The following FANCC variants were observed in gnomAD, a reference collection of about 807,000 sequenced individuals.
FANCC encodes the protein FA complementation group C, also known as Fanconi anemia group C protein.
FANCC carries 55 observed loss-of-function variants against 71.3 expected under a neutral mutation model. The observed-to-expected ratio is 0.77, with a 90% confidence interval of 0.62 to 0.97. The LOEUF (loss-of-function observed/expected upper bound fraction) is 0.97, where lower values mean the gene tolerates loss of function less well. Among genes scored for constraint, FANCC ranks in the 50% least tolerant of loss-of-function variants. The pLI is 0.00. For synonymous variants in FANCC, 275 were observed against 244.9 expected (o/e 1.12, Z -1.15); for missense variants, 678 against 670.9 (o/e 1.01, Z -0.12).
At chr9:95,215,776 A>G (rs1828827837) in intron 4 of FANCC, among the ~76,000 whole-genome samples, 1 of 152,270 alleles carries the variant, frequency 6.6e-6, no homozygotes, top group Non-Finnish European at 1.5e-5. Flanking sequence ...GACAGTCGGT[A>G]TCAACTAACG....
rs1834245300 is a variant in FANCC at position 95,294,334 on chromosome 9, G to C, written c.-79+23192C>G. On this transcript the variant is annotated intron_variant, in intron 1 of 14. Coordinates refer to ENST00000289081, the MANE Select transcript of FANCC (RefSeq NM_000136.3). ...CACCATGAACACTGAGCCAGTCTTG[G>C]AGTCACTGGACACAGAGACTCAAAC... 4.4e-6 allele frequency: 7 copies of C among 1,588,642 alleles called. No individual in the cohort carries two copies. The South Asian group carries it at 5.5e-5, about 13-fold the overall frequency.
intron 1 of FANCC, chr9:95,293,749 C>T (rs1834201936): frequency 6.2e-7 from 1 of 1,613,788 alleles, no homozygotes; most frequent in South Asian, 1.1e-5. Flanking sequence ...AAGGTAACTT[C>T]ATCTATAGCT....
intron 1 of FANCC, among the ~76,000 whole-genome samples, chr9:95,309,138 A>G (rs982498477): frequency 1.3e-5 from 2 of 152,226 alleles, no homozygotes; most frequent in African/African-American, 4.8e-5. Context: ...GCATAGTTTC[A>G]AAAAGTCACC....
At chr9:95,146,667 C>T (rs534010610) in intron 7 of FANCC, among the ~76,000 whole-genome samples, 176 of 152,084 alleles carry the variant, frequency 1.2e-3, no homozygotes, top group African/African-American at 4.0e-3. Context: ...TTATCTGAGA[C>T]GGAGAGGGCT....
chr9:95,168,285 C>G (rs1295856096), intron 6 of FANCC, among the ~76,000 whole-genome samples: 1 of 152,182 alleles, frequency 6.6e-6, no homozygotes, highest in African/African-American at 2.4e-5. Flanking sequence ...TCCCAAAGAA[C>G]AGGTCATGAG....
chr9:95,247,343 ACTAGG>A, intron 3 of FANCC, 84 bp downstream of exon 3: 10 of 960,656 alleles, frequency 1.0e-5, no homozygotes, highest in African/African-American at 4.9e-5. Context: ...AAAAAAAAAA[ACTAGG>A]AGAAAGGTTC....
chr9:95,150,898 T>C (rs146014901), intron 6 of FANCC, among the ~76,000 whole-genome samples: 50 of 152,340 alleles, frequency 3.3e-4, no homozygotes, highest in Middle Eastern at 3.4e-3. Context: ...AGGTCTTCTC[T>C]GATCATCCCA....
intron 4 of FANCC, among the ~76,000 whole-genome samples, chr9:95,223,006 G>T (rs896706989): frequency 3.3e-5 from 5 of 152,022 alleles, no homozygotes; most frequent in African/African-American, 1.2e-4. Flanking sequence ...CATTTTTTCT[G>T]ATTATAAAAA....
chr9:95,229,351 C>T (rs931526396), intron 4 of FANCC, among the ~76,000 whole-genome samples: 4 of 147,980 alleles, frequency 2.7e-5, no homozygotes, highest in Admixed American at 2.0e-4. Flanking sequence ...AGAGCACACA[C>T]AAAGATACTG....
intron 7 of FANCC, 118 bp from the exon 8 acceptor site, chr9:95,135,620 A>G: frequency 1.3e-6 from 1 of 794,032 alleles, no homozygotes; most frequent in African/African-American, 1.7e-5. Flanking sequence ...TCATGGTCAC[A>G]GCAGTGGCTA....
At chr9:95,317,011 A>C (rs1283632319) in intron 1 of FANCC, 1 of 152,132 alleles carries the variant, frequency 6.6e-6, no homozygotes, top group Non-Finnish European at 1.5e-5. Context: ...GCCCCGGCGA[A>C]TGGGGTTTGG....
In FANCC at chr9:95,099,982, G is replaced by C. The variant is rs896255610; in HGVS notation, c.*1725C>G. 1 of 232,280 alleles carries C rather than the reference G, an allele frequency of 4.3e-6. No homozygotes were observed. Among genetic ancestry groups the C allele is most frequent in the Non-Finnish European group, 8.5e-6 (1 of 117,522 alleles). The allele number at this position is 232,280 out of a possible 1,614,324, so 14.4% of individuals were successfully genotyped here. ...TGTCCCAGGAGTCCCTCCACAACAG[G>C]AGGCCTGGTCCCAGTGGCCCCTCTC... On this transcript the variant is annotated 3_prime_UTR_variant, in exon 15 of 15. Coordinates refer to ENST00000289081, the MANE Select transcript of FANCC (RefSeq NM_000136.3).
intron 4 of FANCC, among the ~76,000 whole-genome samples, chr9:95,181,540 T>C (rs1438349127): frequency 1.3e-5 from 2 of 152,234 alleles, no homozygotes; most frequent in East Asian, 3.8e-4. Flanking sequence ...AATAGGTTCT[T>C]TCTCAAATGC....
At chr9:95,104,202 C>T (rs1223680284) in intron 14 of FANCC, among the ~76,000 whole-genome samples, 6 of 152,214 alleles carry the variant, frequency 3.9e-5, no homozygotes, top group Non-Finnish European at 8.8e-5. Context: ...GCCACGCGGC[C>T]ACCGCAGCGA....
intron 1 of FANCC, among the ~76,000 whole-genome samples, chr9:95,264,609 T>A (rs1304671057): frequency 6.6e-6 from 1 of 152,072 alleles, no homozygotes; most frequent in Non-Finnish European, 1.5e-5. Flanking sequence ...TAAAGTGCAC[T>A]TTTTTCCCAT....
chr9:95,172,308 A>G, intron 4 of FANCC, among the ~76,000 whole-genome samples, 161 bp from the exon 5 acceptor site: 1 of 152,246 alleles, frequency 6.6e-6, no homozygotes, highest in Non-Finnish European at 1.5e-5. Flanking sequence ...AGTGTAAAAG[A>G]GAAATGTTAG....
At chr9:95,201,295 C>G (rs1371831746) in intron 4 of FANCC, among the ~76,000 whole-genome samples, 1 of 152,096 alleles carries the variant, frequency 6.6e-6, no homozygotes, top group Admixed American at 6.5e-5. Flanking sequence ...CTCATCATTT[C>G]CAGCTCAGTT....
intron 1 of FANCC, chr9:95,294,777 T>C (rs201310983): frequency 4.4e-6 from 7 of 1,573,592 alleles, no homozygotes; most frequent in Non-Finnish European, 6.0e-6. Context: ...AAACCCAGAC[T>C]TCTGCGGAAC....
intron 4 of FANCC, among the ~76,000 whole-genome samples, chr9:95,172,561 A>G (rs1477985393): frequency 1.3e-5 from 2 of 152,174 alleles, no homozygotes; most frequent in Non-Finnish European, 2.9e-5. Context: ...CACATGCGTG[A>G]AACACCCAAT....
Sources: allele counts gnomAD v4.1 joint callset (sites outside exome capture counted in the v4.1 genomes callset), GRCh38; gene constraint gnomAD v4.1.1; transcripts MANE v1.5; gene names NCBI Gene and HGNC (gene_info 2026-07-23, HGNC 2026-07-21).